PTPN1: variants seen among roughly 807,000 people sequenced by gnomAD.
The protein encoded by PTPN1 is protein tyrosine phosphatase non-receptor type 1, also known as tyrosine-protein phosphatase non-receptor type 1.
In PTPN1, 12 loss-of-function variants were observed where a neutral mutation model predicts 59.9. The ratio of observed to expected loss-of-function variants is 0.20; its 90% CI spans 0.13 to 0.32. PTPN1 has a LOEUF of 0.32. Ranked by LOEUF, PTPN1 falls within the 10% of genes least tolerant of loss-of-function variation. The pLI is 1.00. For synonymous variants in PTPN1, 178 were observed against 203.6 expected, an observed-to-expected ratio of 0.87 and a Z score of 1.07; for missense variants, 356 against 549.2, an observed-to-expected ratio of 0.65 and a Z score of 3.52.
chr20:50,551,269 G>A (rs2082701023), intron 1 of PTPN1, among the ~76,000 whole-genome samples: 1 of 152,196 alleles, frequency 6.6e-6, no homozygotes, highest in Admixed American at 6.5e-5. Context: ...AACTATTCAG[G>A]TGAAGAAGGT....
Position 50,516,150 on chromosome 20 carries a change from G to C in PTPN1, c.63+5560G>C, listed in dbSNP as rs116701745. The stretch of plus-strand genomic sequence containing the variant: ...CCTAGCGGGCCTTTGCATGTGGTTG[G>C]TTCATAAAATACTTTTTGATTTTGG... On this transcript the variant is annotated intron_variant, in intron 1 of 9. Coordinates refer to ENST00000371621, the MANE Select transcript of PTPN1 (RefSeq NM_002827.4). Among the ~76,000 whole-genome samples the C allele has an allele frequency of 6.8e-3, 1,036 of 151,900 alleles. 9 individuals are homozygous for C. The highest frequency in any genetic ancestry group is 0.024 in the African/African-American group (999 of 41,434).
At chr20:50,515,855 C>T (rs2082526764) in intron 1 of PTPN1, among the ~76,000 whole-genome samples, 1 of 152,192 alleles carries the variant, frequency 6.6e-6, no homozygotes, top group Non-Finnish European at 1.5e-5. Context: ...TAGTAGAGGT[C>T]ACTCTGGGAG....
chr20:50,516,488 A>C (rs568354774), intron 1 of PTPN1, among the ~76,000 whole-genome samples: 96 of 152,232 alleles, frequency 6.3e-4, no homozygotes, highest in Non-Finnish European at 1.1e-3. Context: ...TGTACTCACA[A>C]ATACAATTTA....
In PTPN1 at chr20:50,581,379, TGCA is replaced by T; in HGVS notation, c.1204_1206del (p.Ala402del). On this transcript the variant is annotated inframe_deletion, in exon 9 of 10. Transcript: ENST00000371621. ...CACTGCCCGAGAAGGACGAGGACCA[TGCA>T]CTGAGTTACTGGAAGCCCTTCCTGG... The T allele has an allele frequency of 1.2e-6, 2 of 1,614,088 alleles. No homozygotes were observed. Among genetic ancestry groups the T allele is most frequent in the Non-Finnish European group, 1.7e-6 (2 of 1,179,932 alleles).
rs1271273002 is a variant in PTPN1 at position 50,581,447 on chromosome 20, A to G, written c.1271A>G (p.Tyr424Cys). The change falls in exon 9 of 10, where the codon TAC becomes TGC. Residue 424 changes from tyrosine to cysteine, a missense_variant. Physicochemically the swap from Tyr to Cys is radical, Grantham distance 194. This residue lies in a region of PTPN1 where 62 missense variants were observed against 97.2 expected (regional missense o/e 0.64). Transcript: ENST00000371621. ...GCTACGGTCCTCACGGCCGGCGCTT[A>G]CCTCTGCTACAGGGTATGTTTCCAC... ...CVATVLTAGA[Y>C]LCYRFLFNSN... The G allele has an allele frequency of 1.2e-6, 2 of 1,610,152 alleles. No homozygotes were observed. The highest frequency in any genetic ancestry group is 1.7e-6 in the Non-Finnish European group (2 of 1,176,928).
chr20:50,560,003 C>A (rs1003816051), intron 1 of PTPN1, among the ~76,000 whole-genome samples: 3 of 152,004 alleles, frequency 2.0e-5, no homozygotes, highest in Non-Finnish European at 4.4e-5. Context: ...AGGAGCCTGT[C>A]AACACTGCGC....
chr20:50,550,011 G>T (rs17788127), intron 1 of PTPN1, among the ~76,000 whole-genome samples: 7,656 of 152,066 alleles, frequency 0.05, 279 homozygotes, highest in Non-Finnish European at 0.076. Context: ...AACAAAATTT[G>T]TTCAACATGC....
chr20:50,570,944 A>C (rs1299396293), intron 4 of PTPN1: 1 of 152,242 alleles, frequency 6.6e-6, no homozygotes, highest in African/African-American at 2.4e-5. Flanking sequence ...TTTTAAATCA[A>C]GACATTTATT....
intron 4 of PTPN1, chr20:50,571,958 A>G (rs1444632038): frequency 1.3e-5 from 2 of 152,126 alleles, no homozygotes; most frequent in Non-Finnish European, 2.9e-5. Context: ...GGTCCATATA[A>G]TTCATTTTTC....
intron 5 of PTPN1, among the ~76,000 whole-genome samples, chr20:50,576,832 GCCACTGCATT>G (rs1168302423): frequency 6.6e-6 from 1 of 152,142 alleles, no homozygotes; most frequent in Non-Finnish European, 1.5e-5. Flanking sequence ...CCGAGATCAT[GCCACTGCATT>G]CCAGCCTGGG....
intron 1 of PTPN1, among the ~76,000 whole-genome samples, chr20:50,549,771 G>T (rs1022692498): frequency 1.3e-5 from 2 of 151,946 alleles, no homozygotes; most frequent in African/African-American, 4.8e-5. Context: ...GTTTATCTTA[G>T]CATTTCATAT....
chr20:50,534,931 G>GTT (rs1169115310), intron 1 of PTPN1, among the ~76,000 whole-genome samples: 1 of 113,498 alleles, frequency 8.8e-6, no homozygotes, highest in Non-Finnish European at 1.9e-5. Flanking sequence ...GAGTCTCACT[G>GTT]TTGCTCAGGC....
At chr20:50,566,958 G>A (rs2082782120) in intron 3 of PTPN1, among the ~76,000 whole-genome samples, 1 of 152,192 alleles carries the variant, frequency 6.6e-6, no homozygotes, top group African/African-American at 2.4e-5. Flanking sequence ...GTTCACTGGG[G>A]AGGGAAGAGT....
chr20:50,575,226 T>A (rs900829357), intron 5 of PTPN1, among the ~76,000 whole-genome samples: 1 of 152,240 alleles, frequency 6.6e-6, no homozygotes, highest in African/African-American at 2.4e-5. Context: ...ATAATTCCCC[T>A]GGATCCGTAA....
Position 50,579,171 on chromosome 20 carries a change from G to A in PTPN1, c.706G>A (p.Asp236Asn), listed in dbSNP as rs1207659580. The change falls in exon 7 of 10, where the codon GAC (aspartate) becomes AAC (asparagine). Residue 236 changes from aspartate to asparagine, a missense_variant. This residue lies in a region of PTPN1 where 194 missense variants were observed against 344.2 expected (regional missense o/e 0.56). Coordinates refer to ENST00000371621, the MANE Select transcript of PTPN1 (RefSeq NM_002827.4). ...ATATCTCCTCTCTGGCTTTCAGATG[G>A]ACAAGAGGAAAGACCCTTCTTCCGT... ...CLADTCLLLM[D>N]KRKDPSSVDI... 1 of 1,614,044 alleles carries A rather than the reference G, an allele frequency of 6.2e-7. No homozygotes were observed. The highest frequency in any genetic ancestry group is 8.5e-7 in the Non-Finnish European group (1 of 1,180,018).
At chr20:50,534,669 T>G (rs571941699) in intron 1 of PTPN1, among the ~76,000 whole-genome samples, 2 of 152,360 alleles carry the variant, frequency 1.3e-5, no homozygotes, top group East Asian at 3.8e-4. Flanking sequence ...TAAAGTAATC[T>G]TCAACTCTAA....
At chr20:50,532,150 A>G (rs911445795) in intron 1 of PTPN1, among the ~76,000 whole-genome samples, 1 of 152,190 alleles carries the variant, frequency 6.6e-6, no homozygotes, top group African/African-American at 2.4e-5. Context: ...CAGCTGAAAA[A>G]CTAACTACAA....
In PTPN1 at chr20:50,568,289, G is replaced by C. The variant is rs2082788722; in HGVS notation, c.256-91G>C. ...CTCTGCCTAAGCTGTGGGGACTGAG[G>C]GCGCTGTCGTTAGCTGACTGCAGAA... On this transcript the variant is annotated intron_variant, in intron 3 of 9. Coordinates refer to ENST00000371621, the MANE Select transcript of PTPN1 (RefSeq NM_002827.4). The surrounding 1 kb of genome is among the most constrained non-coding windows in gnomAD (Gnocchi z 5.6). The C allele has an allele frequency of 8.9e-7, 1 of 1,119,870 alleles. No homozygotes were observed. The highest frequency in any genetic ancestry group is 1.4e-6 in the Non-Finnish European group (1 of 738,880). 69.4% of individuals were successfully genotyped at this position (1,119,870 alleles called of 1,614,324 possible).
At chr20:50,570,010 T>A (rs190105879) in intron 4 of PTPN1, among the ~76,000 whole-genome samples, 234 of 152,308 alleles carry the variant, frequency 1.5e-3, no homozygotes, top group African/African-American at 5.3e-3. Context: ...CCTTGCCAGG[T>A]CCAGGCTCAG....
Sources: allele counts gnomAD v4.1 joint callset (sites outside exome capture counted in the v4.1 genomes callset), GRCh38; gene constraint gnomAD v4.1.1; regional missense constraint gnomAD v4.1.1; non-coding constraint Gnocchi (gnomAD v3.1); transcripts MANE v1.5; gene names NCBI Gene and HGNC (gene_info 2026-07-23, HGNC 2026-07-21).